The following ASIC2 variants were observed in gnomAD, a reference collection of about 807,000 sequenced individuals.
ASIC2 encodes acid sensing ion channel subunit 2.
ASIC2 carries 25 observed loss-of-function variants against 57.3 expected under a neutral mutation model. The ratio of observed to expected loss-of-function variants is 0.44; its 90% CI spans 0.32 to 0.61. The LOEUF is 0.61. Among genes scored for constraint, ASIC2 ranks in the 20% least tolerant of loss-of-function variants. ASIC2 has a pLI of 0.06. For synonymous variants in ASIC2, 319 were observed against 307.5 expected (o/e 1.04, Z -0.39); for missense variants, 641 against 738.1 (o/e 0.87, Z 1.52).
At chr17:33,716,630 C>G (rs540708060) in intron 1 of ASIC2, among the ~76,000 whole-genome samples, 5 of 152,358 alleles carry the variant, frequency 3.3e-5, no homozygotes, top group African/African-American at 1.2e-4. Context: ...ATGACTGCAT[C>G]TCCTGCCCTC....
At chr17:33,298,928 C>G (rs4591196) in intron 1 of ASIC2, among the ~76,000 whole-genome samples, 2 of 151,902 alleles carry the variant, frequency 1.3e-5, no homozygotes, top group African/African-American at 4.8e-5. Flanking sequence ...CACTGCTCAA[C>G]GAAATAAAAG....
intron 1 of ASIC2, among the ~76,000 whole-genome samples, chr17:33,202,545 G>A (rs1045340402): frequency 6.6e-6 from 1 of 152,120 alleles, no homozygotes; most frequent in African/African-American, 2.4e-5. Flanking sequence ...TCCATCAAGG[G>A]GTGCAGCAGG....
intron 1 of ASIC2, among the ~76,000 whole-genome samples, chr17:33,257,037 G>T (rs17248839): frequency 3.3e-5 from 5 of 152,080 alleles, no homozygotes; most frequent in Non-Finnish European, 7.4e-5. Context: ...CCAGGCCCCT[G>T]GGTCTAATGT....
intron 1 of ASIC2, among the ~76,000 whole-genome samples, chr17:33,428,211 A>G (rs1037502318): frequency 5.3e-5 from 8 of 152,158 alleles, no homozygotes; most frequent in South Asian, 2.1e-4. Context: ...GTAATTTGCT[A>G]TATAGTATTA....
chr17:34,050,348 T>A (rs2142052752), intron 1 of ASIC2, among the ~76,000 whole-genome samples: 1 of 152,214 alleles, frequency 6.6e-6, no homozygotes, highest in Admixed American at 6.5e-5. Context: ...AAATGCCAGG[T>A]CTGTTATATG....
At chr17:34,152,927 G>GA (rs35649925) in intron 1 of ASIC2, among the ~76,000 whole-genome samples, 24,403 of 152,002 alleles carry the variant, frequency 0.16, 2,010 homozygotes, top group South Asian at 0.27. Context: ...TTCCAGGAGG[G>GA]AAAAAACGTG....
intron 1 of ASIC2, among the ~76,000 whole-genome samples, chr17:33,480,723 C>G (rs901198687): frequency 2.0e-5 from 3 of 152,034 alleles, no homozygotes; most frequent in Non-Finnish European, 4.4e-5. Flanking sequence ...GCTCCTTATC[C>G]CCACCCCAGC....
intron 1 of ASIC2, among the ~76,000 whole-genome samples, chr17:33,502,078 A>C (rs1033625898): frequency 2.0e-5 from 3 of 151,820 alleles, no homozygotes; most frequent in Non-Finnish European, 4.4e-5. Context: ...GGTGAAATCT[A>C]GTGAGTTCCA....
chr17:33,676,770 TTGA>T (rs1907835595), intron 1 of ASIC2, among the ~76,000 whole-genome samples: 1 of 152,190 alleles, frequency 6.6e-6, no homozygotes, highest in Admixed American at 6.5e-5. Context: ...GCTAAGATAA[TTGA>T]TGAAGGTGGT....
chr17:33,849,904 C>G (rs927470038), intron 1 of ASIC2, among the ~76,000 whole-genome samples: 3 of 152,118 alleles, frequency 2.0e-5, no homozygotes, highest in Non-Finnish European at 4.4e-5. Context: ...TGGATTGAGG[C>G]AAAGCTGGAA....
In ASIC2 at chr17:33,582,358, C is replaced by T. The variant is rs180991630; in HGVS notation, c.556-470291G>A. Among the ~76,000 whole-genome samples, 251 of 152,272 alleles carry T rather than the reference C, an allele frequency of 1.6e-3. 1 individual carries two copies. The highest frequency in any genetic ancestry group is 5.8e-3 in the African/African-American group (239 of 41,554). The stretch of plus-strand genomic sequence containing the variant: ...TAAAAGGATAAGCAAAGGAGCCAGG[C>T]TCAGTCTATAAATTAATGATTTCCC... On this transcript the variant is annotated intron_variant, in intron 1 of 9. Coordinates refer to the ASIC2 transcript ENST00000359872.
At chr17:33,683,222 C>T (rs1476711304) in intron 1 of ASIC2, among the ~76,000 whole-genome samples, 1 of 152,168 alleles carries the variant, frequency 6.6e-6, no homozygotes. Flanking sequence ...TGCCCGCCAC[C>T]ACGCCCAGCT....
chr17:33,777,423 GCAGGGACTT>G (rs1447121692), intron 1 of ASIC2, among the ~76,000 whole-genome samples: 2 of 152,200 alleles, frequency 1.3e-5, no homozygotes, highest in African/African-American at 4.8e-5. Context: ...GTGTGAAGTT[GCAGGGACTT>G]CTTTTGGGGC....
At chr17:33,019,097 G>T (rs2091822893) in intron 7 of ASIC2, among the ~76,000 whole-genome samples, 1 of 152,162 alleles carries the variant, frequency 6.6e-6, no homozygotes, top group East Asian at 1.9e-4. Flanking sequence ...GCTTCTTGGG[G>T]ACTGTGTTCT....
chr17:33,834,440 TTGA>T (rs1406365964), intron 1 of ASIC2: 1 of 152,248 alleles, frequency 6.6e-6, no homozygotes, highest in Non-Finnish European at 1.5e-5. Flanking sequence ...CTGTTGGTAT[TTGA>T]TGGTTTCTGT....
At chr17:33,630,048 G>C (rs1407668013) in intron 1 of ASIC2, among the ~76,000 whole-genome samples, 1 of 152,118 alleles carries the variant, frequency 6.6e-6, no homozygotes, top group Non-Finnish European at 1.5e-5. Context: ...ATGGGACCAG[G>C]TCTCTCTAGG....
chr17:33,641,157 G>C (rs1322067480), intron 1 of ASIC2, among the ~76,000 whole-genome samples: 1 of 152,110 alleles, frequency 6.6e-6, no homozygotes, highest in African/African-American at 2.4e-5. Flanking sequence ...CCCTTGGGTG[G>C]CTTCCTGGAT....
At chr17:33,110,480 G>A (rs1378275885) in intron 2 of ASIC2, among the ~76,000 whole-genome samples, 2 of 152,204 alleles carry the variant, frequency 1.3e-5, no homozygotes, top group African/African-American at 4.8e-5. Flanking sequence ...TGGCTGATGG[G>A]GCTCGGGGTG....
At chr17:33,472,239 C>T (rs1350679920) in intron 1 of ASIC2, among the ~76,000 whole-genome samples, 1 of 151,962 alleles carries the variant, frequency 6.6e-6, no homozygotes, top group Non-Finnish European at 1.5e-5. Context: ...AGTCTGGTCT[C>T]GAACTCCTGA....
Sources: allele counts gnomAD v4.1 joint callset (sites outside exome capture counted in the v4.1 genomes callset), GRCh38; gene constraint gnomAD v4.1.1; transcripts MANE v1.5; gene names NCBI Gene and HGNC (gene_info 2026-07-23, HGNC 2026-07-21).